The following DIAPH2 variants were observed in gnomAD, a reference collection of about 807,000 sequenced individuals.
The protein encoded by DIAPH2 is diaphanous related formin 2, also known as protein diaphanous homolog 2.
In DIAPH2, 35 loss-of-function variants were observed where a neutral mutation model predicts 92.7. The observed-to-expected ratio is 0.38, with a 90% CI of 0.29 to 0.50. DIAPH2 has a LOEUF of 0.50. DIAPH2 is among the 20% of genes least tolerant of loss of function. DIAPH2 has a pLI of 0.94. For synonymous variants in DIAPH2, 301 were observed against 280.4 expected, an observed-to-expected ratio of 1.07 and a Z score of -0.73; for missense variants, 701 against 819.5, an observed-to-expected ratio of 0.86 and a Z score of 1.77.
chrX:97,291,818 A>G (rs1160880041), intron 23 of DIAPH2, among the ~76,000 whole-genome samples: 1 of 111,620 alleles, frequency 9.0e-6, no homozygotes, highest in African/African-American at 3.3e-5. Flanking sequence ...AATTACAGGC[A>G]TGAGCCACCG....
chrX:97,093,232 AG>A (rs769085751), intron 19 of DIAPH2, among the ~76,000 whole-genome samples: 27 of 35,327 alleles, frequency 7.6e-4, no homozygotes, highest in South Asian at 1.7e-3. Context: ...GGAGGGAGGG[AG>A]GGGGGGAAAA....
chrX:97,522,798 G>A (rs1162828195), intron 26 of DIAPH2, among the ~76,000 whole-genome samples: 1 of 112,126 alleles, frequency 8.9e-6, no homozygotes, highest in Non-Finnish European at 1.9e-5. Context: ...TTTACCTCCT[G>A]CCCATGAACA....
Position 97,372,561 on chromosome X carries a change from A to G in DIAPH2, c.3010-11348A>G, listed in dbSNP as rs142056919. 2.6e-3 allele frequency among the ~76,000 whole-genome samples: 295 copies of G among 112,268 alleles called. 1 individual carries two copies. Among genetic ancestry groups the G allele is most frequent in the African/African-American group, 8.9e-3 (276 of 30,926 alleles). On this transcript the variant is annotated intron_variant, in intron 24 of 26. Coordinates refer to ENST00000324765, the MANE Select transcript of DIAPH2 (RefSeq NM_006729.5). ...CACCTGCAGCACAGCAGTTTCTCCT[A>G]TGATTCTCCCCTCTGCCAAAAGGGA...
At chrX:97,418,603 G>A (rs754773943) in intron 25 of DIAPH2, among the ~76,000 whole-genome samples, 3 of 111,821 alleles carry the variant, frequency 2.7e-5, no homozygotes, top group Non-Finnish European at 3.8e-5. Context: ...GATTAGGCTT[G>A]TGTTTGTGTG....
intron 17 of DIAPH2, among the ~76,000 whole-genome samples, chrX:97,032,016 G>A (rs193243843): frequency 4.2e-4 from 47 of 111,783 alleles, no homozygotes; most frequent in African/African-American, 1.4e-3. Context: ...GTACTTTTAG[G>A]GAAAGTGGTA....
At chrX:96,884,874 T>A in intron 5 of DIAPH2, 1 of 1,211,187 alleles carries the variant, frequency 8.3e-7, no homozygotes. Context: ...CAGAAGTGAA[T>A]GATGCTGGGG....
At chrX:96,783,258 GAATTACATTTTT>G (rs1252855500) in intron 4 of DIAPH2, among the ~76,000 whole-genome samples, 26 of 111,988 alleles carry the variant, frequency 2.3e-4, no homozygotes, top group Admixed American at 1.7e-3. Flanking sequence ...GAAGACTCTG[GAATTACATTTTT>G]AATTGTTAAG....
At chrX:97,168,713 A>G (rs1379375491) in intron 22 of DIAPH2, among the ~76,000 whole-genome samples, 1 of 112,115 alleles carries the variant, frequency 8.9e-6, no homozygotes, top group African/African-American at 3.2e-5. Context: ...CTTAAACAAC[A>G]GAAATTTATT....
At chrX:97,351,150 G>T (rs1202070505) in intron 24 of DIAPH2, among the ~76,000 whole-genome samples, 1 of 112,370 alleles carries the variant, frequency 8.9e-6, no homozygotes, top group Non-Finnish European at 1.9e-5. Context: ...TGTTTTGAAC[G>T]TGGGTGGGAC....
chrX:97,411,143 G>C (rs1356015034), intron 25 of DIAPH2, among the ~76,000 whole-genome samples: 1 of 111,446 alleles, frequency 9.0e-6, no homozygotes, highest in Non-Finnish European at 1.9e-5. Context: ...AAATGCTAAG[G>C]GCAGCCAGAG....
chrX:97,432,319 G>C (rs1171600862), intron 26 of DIAPH2, among the ~76,000 whole-genome samples: 1 of 109,348 alleles, frequency 9.1e-6, no homozygotes, highest in African/African-American at 3.3e-5. Flanking sequence ...TTTTGAGACG[G>C]ACTCTTGCCC....
At chrX:97,470,909 C>T (rs946512531) in intron 26 of DIAPH2, among the ~76,000 whole-genome samples, 2 of 111,062 alleles carry the variant, frequency 1.8e-5, no homozygotes, top group African/African-American at 3.3e-5. Context: ...ATAGAGAAGC[C>T]CGAATGACAT....
chrX:97,296,821 A>G (rs752577107), intron 23 of DIAPH2, among the ~76,000 whole-genome samples: 1 of 100,080 alleles, frequency 1.0e-5, no homozygotes, highest in East Asian at 3.1e-4. Flanking sequence ...CTTGTTGCCC[A>G]GGCTGGAGTG....
chrX:97,247,738 A>T lies in DIAPH2; in HGVS notation c.2743A>T (p.Asn915Tyr). 1 of 1,206,257 alleles carries T rather than the reference A, an allele frequency of 8.3e-7. No individual in the cohort carries two copies. The highest frequency in any genetic ancestry group is 1.1e-6 in the Non-Finnish European group (1 of 891,585). The change falls in exon 23 of 27, where the codon AAC becomes TAC. Residue 915 changes from asparagine (N) to tyrosine (Y), a missense_variant. Around this residue, in one of 3 missense-constraint regions of DIAPH2, gnomAD observed 536 missense variants for 599.3 expected, o/e 0.89. Transcript: ENST00000324765. Reference protein sequence around the residue: ...SKVSAQILKSNLASMEQQIVH... With the variant: ...SKVSAQILKSYLASMEQQIVH... ...AGTTTCAGCTCAAATTCTCAAGAGC[A>T]ACCTTGCATCAATGGAACAACAAAT...
chrX:97,054,097 G>A (rs1358818561), intron 17 of DIAPH2, among the ~76,000 whole-genome samples: 5 of 111,917 alleles, frequency 4.5e-5, no homozygotes, highest in African/African-American at 1.6e-4. Flanking sequence ...TCATAGATTA[G>A]CCATTTTTAA....
intron 21 of DIAPH2, among the ~76,000 whole-genome samples, chrX:97,130,183 G>A (rs780617977): frequency 1.2e-4 from 13 of 112,365 alleles, no homozygotes; most frequent in East Asian, 1.1e-3. Context: ...TGCAGCCAAT[G>A]TAGGAAATAG....
At chrX:97,284,610 C>CAA (rs756436081) in intron 23 of DIAPH2, among the ~76,000 whole-genome samples, 7 of 43,257 alleles carry the variant, frequency 1.6e-4, no homozygotes, top group Non-Finnish European at 2.3e-4. Flanking sequence ...AGCTCCGTCT[C>CAA]AAAAAAAAAA....
At chrX:96,968,804 G>A (rs1221192891) in intron 17 of DIAPH2, among the ~76,000 whole-genome samples, 2 of 111,836 alleles carry the variant, frequency 1.8e-5, no homozygotes, top group African/African-American at 6.5e-5. Context: ...ATTTCCCAAG[G>A]CAGATGTCCA....
chrX:97,018,965 G>C (rs946086148), intron 17 of DIAPH2, among the ~76,000 whole-genome samples: 1 of 111,265 alleles, frequency 9.0e-6, no homozygotes, highest in Non-Finnish European at 1.9e-5. Context: ...TGTCTTCATG[G>C]TTTTGCCTAA....
Sources: allele counts gnomAD v4.1 joint callset (sites outside exome capture counted in the v4.1 genomes callset), GRCh38; gene constraint gnomAD v4.1.1; regional missense constraint gnomAD v4.1.1; transcripts MANE v1.5; gene names NCBI Gene and HGNC (gene_info 2026-07-23, HGNC 2026-07-21).